The following CNTNAP2 variants were observed in gnomAD, a reference collection of about 807,000 sequenced individuals.
CNTNAP2 encodes contactin-associated protein-like 2.
In CNTNAP2, 98 loss-of-function variants were observed where a neutral mutation model predicts 155.2. The ratio of observed to expected loss-of-function variants is 0.63; its 90% confidence interval spans 0.54 to 0.75. The LOEUF (loss-of-function observed/expected upper bound fraction) is 0.75, where lower values mean the gene tolerates loss of function less well. Among genes scored for constraint, CNTNAP2 ranks in the 30% least tolerant of loss-of-function variants. The pLI is 0.00. For synonymous variants in CNTNAP2, 651 were observed against 631.2 expected (o/e 1.03, Z -0.47); for missense variants, 1,727 against 1,688.1 (o/e 1.02, Z -0.40).
At chr7:146,840,185 C>T (rs978781594) in intron 3 of CNTNAP2, among the ~76,000 whole-genome samples, 2 of 151,996 alleles carry the variant, frequency 1.3e-5, no homozygotes, top group Non-Finnish European at 1.5e-5. Context: ...ACCAGAATCA[C>T]GTAAGTTGAA....
In CNTNAP2 at chr7:146,431,738, G is replaced by T. The variant is rs1397894749; in HGVS notation, c.97+314765G>T. On this transcript the variant is annotated intron_variant, in intron 1 of 23. Coordinates refer to ENST00000361727, the MANE Select transcript of CNTNAP2 (RefSeq NM_014141.6). ...TTAGTAAGTAAGAAAAAGTTTTGAT[G>T]GTTGGAACAAAGTCTCACAGCTAGT... Among the ~76,000 whole-genome samples the T allele has an allele frequency of 3.9e-5, 6 of 152,010 alleles. No homozygotes were observed. In the East Asian group the frequency reaches 9.6e-4, roughly 24 times the overall value.
chr7:147,821,799 C>A (rs965702058), intron 13 of CNTNAP2, among the ~76,000 whole-genome samples: 1 of 151,962 alleles, frequency 6.6e-6, no homozygotes, highest in Admixed American at 6.6e-5. Context: ...TCAAGCTGAA[C>A]TTTAGGGAAA....
chr7:147,034,362 C>T (rs1255935163), intron 3 of CNTNAP2, among the ~76,000 whole-genome samples: 1 of 152,180 alleles, frequency 6.6e-6, no homozygotes, highest in Non-Finnish European at 1.5e-5. Flanking sequence ...GTGTGGCTCA[C>T]TTCTTCAGTG....
chr7:146,550,200 G>A (rs1350401806), intron 1 of CNTNAP2, among the ~76,000 whole-genome samples: 1 of 151,868 alleles, frequency 6.6e-6, no homozygotes, highest in Non-Finnish European at 1.5e-5. Flanking sequence ...ATGGCCAATA[G>A]AAATGAGTTG....
intron 1 of CNTNAP2, among the ~76,000 whole-genome samples, chr7:146,129,144 A>G (rs73736893): frequency 0.019 from 2,902 of 152,306 alleles, 119 homozygotes; most frequent in African/African-American, 0.067. Context: ...ATATGCAATA[A>G]TCTGAGGCAT....
At chr7:148,147,009 G>C (rs1310154842) in intron 16 of CNTNAP2, among the ~76,000 whole-genome samples, 1 of 152,052 alleles carries the variant, frequency 6.6e-6, no homozygotes, top group African/African-American at 2.4e-5. Flanking sequence ...CAAATCTCTG[G>C]ACACAGGTGT....
At chr7:146,358,022 T>TTTTATTTATTTATTTATTTA (rs375240509) in intron 1 of CNTNAP2, among the ~76,000 whole-genome samples, 1 of 149,074 alleles carries the variant, frequency 6.7e-6, no homozygotes, top group African/African-American at 2.5e-5. Context: ...ATTTATTTAA[T>TTTTATTTATTTATTTATTTA]TTTATTTATT....
intron 15 of CNTNAP2, among the ~76,000 whole-genome samples, chr7:147,999,187 A>G (rs1214125384): frequency 1.3e-5 from 2 of 152,000 alleles, no homozygotes; most frequent in Non-Finnish European, 2.9e-5. Context: ...GGTTCCAGTG[A>G]TTCTCCTGCC....
chr7:146,676,987 G>A (rs1399479429), intron 1 of CNTNAP2, among the ~76,000 whole-genome samples: 6 of 152,152 alleles, frequency 3.9e-5, no homozygotes, highest in Admixed American at 6.5e-5. Context: ...TCAATTTAGA[G>A]GTTTATTTTG....
intron 16 of CNTNAP2, among the ~76,000 whole-genome samples, chr7:148,146,991 A>G (rs1316646526): frequency 6.6e-6 from 1 of 152,138 alleles, no homozygotes; most frequent in Non-Finnish European, 1.5e-5. Context: ...CTCTTGACCA[A>G]CTGAGTCCAA....
chr7:147,743,419 G>A (rs1796984402), intron 13 of CNTNAP2, among the ~76,000 whole-genome samples: 2 of 152,152 alleles, frequency 1.3e-5, no homozygotes, highest in African/African-American at 2.4e-5. Context: ...ATTAGGTGAG[G>A]CTGTAAAACC....
At chr7:146,804,185 C>A (rs971379450) in intron 2 of CNTNAP2, among the ~76,000 whole-genome samples, 4 of 152,154 alleles carry the variant, frequency 2.6e-5, no homozygotes, top group African/African-American at 9.7e-5. Flanking sequence ...ATGCTCCCCT[C>A]CTCTGTAAAA....
rs1554427519 is a variant in CNTNAP2 at position 148,383,652 on chromosome 7, C to T, written c.3479C>T (p.Thr1160Ile). The T allele has an allele frequency of 1.2e-6, 2 of 1,614,044 alleles. No individual in the cohort carries two copies. The highest frequency in any genetic ancestry group is 2.2e-5 in the South Asian group (2 of 91,074). The part of the protein sequence containing the change: ...KSLFLGKVIE[T>I]GKIDQEIHKY... Reference sequence around the variant, plus strand: ...TTCATTTCTTTTTTTCTTTTAGAAACAGGGAAAATTGACCAAGAGATTCAC... The same window carrying T: ...TTCATTTCTTTTTTTCTTTTAGAAATAGGGAAAATTGACCAAGAGATTCAC... The change falls in exon 22 of 24, where the codon ACA (threonine) becomes ATA (isoleucine). Residue 1160 changes from threonine to isoleucine, a missense_variant. By Grantham distance (89) the Thr-to-Ile change is moderately conservative. Coordinates refer to ENST00000361727, the MANE Select transcript of CNTNAP2 (RefSeq NM_014141.6).
At chr7:147,056,890 C>G (rs1799572185) in intron 4 of CNTNAP2, among the ~76,000 whole-genome samples, 2 of 152,130 alleles carry the variant, frequency 1.3e-5, no homozygotes, top group African/African-American at 4.8e-5. Flanking sequence ...CCTGCCCCAG[C>G]CTCTGAAGCA....
At chr7:146,318,011 C>G (rs10272584) in intron 1 of CNTNAP2, among the ~76,000 whole-genome samples, 9,972 of 151,836 alleles carry the variant, frequency 0.066, 919 homozygotes, top group African/African-American at 0.2. Flanking sequence ...TGTGGTGGCA[C>G]GCACTTGTAG....
chr7:147,762,794 G>GAGGAAGGGAAGGAAGGGAAGGAAGGGA (rs149381109), intron 13 of CNTNAP2, among the ~76,000 whole-genome samples: 1 of 147,028 alleles, frequency 6.8e-6, no homozygotes, highest in African/African-American at 2.6e-5. Context: ...AGGGGAAGAG[G>GAGGAAGGGAAGGAAGGGAAGGAAGGGA]AGGAAGGGAA....
intron 13 of CNTNAP2, among the ~76,000 whole-genome samples, chr7:147,675,228 T>C (rs545831629): frequency 1.6e-4 from 25 of 152,140 alleles, no homozygotes; most frequent in African/African-American, 6.0e-4. Context: ...GTGTCTCAAA[T>C]CAAATCTCTT....
At chr7:146,707,206 T>C (rs942643187) in intron 1 of CNTNAP2, among the ~76,000 whole-genome samples, 9 of 152,152 alleles carry the variant, frequency 5.9e-5, no homozygotes, top group Non-Finnish European at 1.2e-4. Flanking sequence ...GAAGCCCCAG[T>C]GTGTGCCTGA....
intron 1 of CNTNAP2, among the ~76,000 whole-genome samples, chr7:146,298,242 T>C (rs1358554838): frequency 6.6e-6 from 1 of 152,196 alleles, no homozygotes; most frequent in Non-Finnish European, 1.5e-5. Flanking sequence ...TTGCTATTAT[T>C]GAGTTATTGT....
Sources: allele counts gnomAD v4.1 joint callset (sites outside exome capture counted in the v4.1 genomes callset), GRCh38; gene constraint gnomAD v4.1.1; transcripts MANE v1.5; gene names NCBI Gene and HGNC (gene_info 2026-07-23, HGNC 2026-07-21).